The following GALNT3 variants were observed in gnomAD, a reference collection of about 807,000 sequenced individuals.
GALNT3 encodes polypeptide N-acetylgalactosaminyltransferase 3.
A neutral mutation model predicts 69.8 loss-of-function variants in GALNT3; 51 were observed. The ratio of observed to expected loss-of-function variants is 0.73; its 90% CI spans 0.58 to 0.92. GALNT3 has a LOEUF of 0.92. Among genes scored for constraint, GALNT3 ranks in the 40% least tolerant of loss-of-function variants. GALNT3 has a pLI of 0.00. For missense variants in GALNT3, 711 were observed against 760.0 expected, an observed-to-expected ratio of 0.94 and a Z score of 0.76; for synonymous variants, 265 against 248.5, an observed-to-expected ratio of 1.07 and a Z score of -0.63.
chr2:165,769,807 A>G (rs2105419135), intron 2 of GALNT3, among the ~76,000 whole-genome samples: 1 of 152,354 alleles, frequency 6.6e-6, no homozygotes, highest in South Asian at 2.1e-4. Context: ...TTTATTCTAA[A>G]GAAATACAGA....
chr2:165,770,077 G>T, intron 2 of GALNT3, 109 bp downstream of exon 2: 4 of 1,252,292 alleles, frequency 3.2e-6, no homozygotes, highest in Non-Finnish European at 3.4e-6. Flanking sequence ...AGTATTTGCT[G>T]ATTTTCTGCC....
Position 165,770,241 on chromosome 2 carries a change from C to T in GALNT3, c.460G>A (p.Ala154Thr), listed in dbSNP as rs368590625. 2.2e-5 allele frequency: 36 copies of T among 1,613,984 alleles called. No homozygotes were observed. Among genetic ancestry groups the T allele is most frequent in the East Asian group, 6.7e-5 (3 of 44,890 alleles). ...CGGTGCAAAGAAATCCTGTCACTTG[C>T]GAAAGCATTAAAGCAGTGTTTAGCT... ...GEAKHCFNAF[A>T]SDRISLHRDL... The change falls in exon 2 of 11, where the codon GCA becomes ACA. Residue 154 changes from alanine (A) to threonine (T), a missense_variant. Ala to Thr is a moderately conservative substitution (Grantham distance 58). Transcript: ENST00000392701.
chr2:165,765,783 C>T (rs916120915), intron 2 of GALNT3, among the ~76,000 whole-genome samples: 1 of 152,086 alleles, frequency 6.6e-6, no homozygotes, highest in African/African-American at 2.4e-5. Flanking sequence ...CCACTGCGCC[C>T]ACAATATTAA....
At position 165,755,071 on chromosome 2, in the gene GALNT3, A is replaced by C; in HGVS notation, c.1393-8T>G. 1 of 1,609,088 alleles carries C rather than the reference A, an allele frequency of 6.2e-7. No homozygotes were observed. ...AAGATCACCAAATGCTTTCTGTAGA[A>C]ACATGAGAAATGAAGGGAATGCTTA... On this transcript the variant is annotated splice_polypyrimidine_tract_variant and splice_region_variant and intron_variant, in intron 7 of 10. Transcript: ENST00000392701.
chr2:165,747,678 TAAG>T lies in GALNT3; in HGVS notation c.*1100_*1102del, dbSNP rs1688284070. The T allele has an allele frequency of 1.3e-5, 2 of 153,840 alleles. No individual in the cohort carries two copies. Among genetic ancestry groups the T allele is most frequent in the African/African-American group, 4.8e-5 (2 of 41,480 alleles). 9.5% of individuals were successfully genotyped at this position (153,840 alleles called of 1,614,324 possible). On this transcript the variant is annotated 3_prime_UTR_variant, in exon 11 of 11. Coordinates refer to ENST00000392701, the MANE Select transcript of GALNT3 (RefSeq NM_004482.4). Reference sequence around the variant, plus strand: ...TTGCTATTCCTCATTTTTTGTGCCATAAGAAATATCTGATGGTTTTACAAACAA... The same window carrying T: ...TTGCTATTCCTCATTTTTTGTGCCATAAATATCTGATGGTTTTACAAACAA...
At chr2:165,774,338 C>T (rs1453478725) in intron 1 of GALNT3, among the ~76,000 whole-genome samples, 1 of 152,046 alleles carries the variant, frequency 6.6e-6, no homozygotes, top group Non-Finnish European at 1.5e-5. Context: ...TTTGACAGAA[C>T]ATGGAAAAAG....
At chr2:165,792,097 T>G (rs1025626932) in intron 1 of GALNT3, among the ~76,000 whole-genome samples, 1 of 152,198 alleles carries the variant, frequency 6.6e-6, no homozygotes, top group Non-Finnish European at 1.5e-5. Flanking sequence ...ATACCTCTCT[T>G]GGCTTCAATT....
chr2:165,759,866 C>T (rs1192389901), intron 4 of GALNT3, among the ~76,000 whole-genome samples: 1 of 152,050 alleles, frequency 6.6e-6, no homozygotes, highest in Non-Finnish European at 1.5e-5. Context: ...GTGGTAAGAA[C>T]ATCTAAGATC....
At chr2:165,758,404 G>A (rs1267879679) in intron 6 of GALNT3, among the ~76,000 whole-genome samples, 1 of 152,044 alleles carries the variant, frequency 6.6e-6, no homozygotes, top group Non-Finnish European at 1.5e-5. Flanking sequence ...ATTCATAAAT[G>A]TTTTTCCATT....
intron 3 of GALNT3, among the ~76,000 whole-genome samples, chr2:165,763,404 T>C (rs1001370944): frequency 1.3e-5 from 2 of 152,282 alleles, no homozygotes; most frequent in South Asian, 2.1e-4. Flanking sequence ...GAGAGGAAAG[T>C]GCAGGAACAA....
rs1273962730 is a variant in GALNT3, at chr2:165,765,000, A to G, written c.572T>C (p.Ile191Thr). The G allele has an allele frequency of 6.2e-7, 1 of 1,614,092 alleles. No individual in the cohort carries two copies. Among genetic ancestry groups the G allele is most frequent in the Non-Finnish European group, 8.5e-7 (1 of 1,180,046 alleles). ...CPPLPTTSVI[I>T]VFHNEAWSTL... ...GGACCACGCTTCATTATGAAAAACT[A>G]TTATGACACTGGTGGTGGGCAGGGG... Residue 191 changes from isoleucine to threonine, a missense_variant, in exon 3 of 11, where the codon ATA becomes ACA. By Grantham distance (89) the Ile-to-Thr change is moderately conservative (BLOSUM62 -1). Transcript: ENST00000392701.
chr2:165,762,558 A>G (rs979793796), intron 3 of GALNT3, among the ~76,000 whole-genome samples: 1 of 152,222 alleles, frequency 6.6e-6, no homozygotes, highest in African/African-American at 2.4e-5. Flanking sequence ...CCACGTCAGA[A>G]AGTCCACAGC....
At chr2:165,793,806 C>G (rs549473956) in intron 1 of GALNT3, 2 of 152,954 alleles carry the variant, frequency 1.3e-5, no homozygotes, top group Admixed American at 1.3e-4. Flanking sequence ...TGACCGGGCT[C>G]CCCCCCGAGG....
At chr2:165,756,317 T>C (rs992738045) in intron 7 of GALNT3, among the ~76,000 whole-genome samples, 2 of 152,180 alleles carry the variant, frequency 1.3e-5, no homozygotes, top group African/African-American at 4.8e-5. Context: ...CCTTATCTAA[T>C]ATTATTAAGA....
rs1226597123 is a variant in GALNT3 at position 165,794,055 on chromosome 2, G to C, written c.-149C>G. The C allele has an allele frequency of 2.0e-5, 3 of 152,780 alleles. No homozygotes were observed. Among genetic ancestry groups the C allele is most frequent in the Non-Finnish European group, 4.4e-5 (3 of 68,524 alleles). 9.5% of individuals were successfully genotyped at this position (152,780 alleles called of 1,614,324 possible). A position where few individuals can be genotyped will look rare whatever the true frequency, so the allele number is the denominator to read the frequency against. On this transcript the variant is annotated 5_prime_UTR_variant, in exon 1 of 11. Coordinates refer to ENST00000392701, the MANE Select transcript of GALNT3 (RefSeq NM_004482.4). ...GGCAGGGTGGCGGGAAGCGGCGGCC[G>C]GGCAGGCGCTGGACGTGGGCTAGGC...
At chr2:165,759,015 T>A in intron 5 of GALNT3, 151 bp from the exon 6 acceptor site, 1 of 686,064 alleles carries the variant, frequency 1.5e-6, no homozygotes, top group Non-Finnish European at 2.6e-6. Flanking sequence ...ATCTTCAAAG[T>A]CAAGATTTTT....
At chr2:165,761,151 A>T (rs924376570) in intron 4 of GALNT3, among the ~76,000 whole-genome samples, 1 of 152,080 alleles carries the variant, frequency 6.6e-6, no homozygotes, top group African/African-American at 2.4e-5. Flanking sequence ...TAAAATATAA[A>T]AAAAGCAGCA....
chr2:165,767,069 C>A lies in GALNT3; in HGVS notation c.516-2013G>T, dbSNP rs192099767. The stretch of plus-strand genomic sequence containing the variant: ...CATAAATAAAAACAAATTATTTATT[C>A]TAAATTGAATTTTGGATAAACTACC... On this transcript the variant is annotated intron_variant, in intron 2 of 10. Coordinates refer to ENST00000392701, the MANE Select transcript of GALNT3 (RefSeq NM_004482.4). Among the ~76,000 whole-genome samples, 146 of 152,130 alleles carry A rather than the reference C, an allele frequency of 9.6e-4. 1 individual carries two copies. Among genetic ancestry groups the A allele is most frequent in the African/African-American group, 3.1e-3 (129 of 41,522 alleles).
Position 165,770,668 on chromosome 2 carries a change from G to A in GALNT3, c.33C>T (p.His11=), listed in dbSNP as rs1688736632. The A allele has an allele frequency of 5.0e-6, 8 of 1,605,664 alleles. No individual in the cohort carries two copies. Among genetic ancestry groups the A allele is most frequent in the Non-Finnish European group, 6.8e-6 (8 of 1,179,174 alleles). ...ACTTTTTATGGTAATGTCTTTTAAT[G>A]TGTAATTTTACTAGTCGCTTTAGGT... The part of the protein sequence containing the change: MAHLKRLVKL[H]IKRHYHKKFW... The change falls in exon 2 of 11, where the codon CAC becomes CAT. Residue 11 remains histidine (H), a synonymous_variant. Transcript: ENST00000392701.
Sources: allele counts gnomAD v4.1 joint callset (sites outside exome capture counted in the v4.1 genomes callset), GRCh38; gene constraint gnomAD v4.1.1; transcripts MANE v1.5; gene names NCBI Gene and HGNC (gene_info 2026-07-23, HGNC 2026-07-21).